The following PPP2R5D variants were observed in gnomAD, a reference collection of about 807,000 sequenced individuals.
PPP2R5D encodes the protein protein phosphatase 2 regulatory subunit B'delta, also known as serine/threonine-protein phosphatase 2A 56 kDa regulatory subunit delta isoform.
Under a neutral mutation model 79.1 loss-of-function variants are expected in PPP2R5D, and 12 were observed. The ratio of observed to expected loss-of-function variants is 0.15; its 90% CI spans 0.10 to 0.25. PPP2R5D has a LOEUF of 0.25. Ranked by LOEUF, PPP2R5D falls within the 10% of genes least tolerant of loss-of-function variation. PPP2R5D has a pLI of 1.00. For synonymous variants in PPP2R5D, 277 were observed against 286.6 expected (o/e 0.97, Z 0.34); for missense variants, 419 against 760.2 (o/e 0.55, Z 5.28).
rs70990164 is a variant in PPP2R5D at position 42,990,699 on chromosome 6, C to CTTTTT, written c.105+1034_105+1038dup. Reference sequence around the variant, plus strand: ...TCCTCTGCACTTATGCAGTATTCTACTTTTTTTTTTTTTTTTTTTTTTTTT... The same window carrying CTTTTT: ...TCCTCTGCACTTATGCAGTATTCTACTTTTTTTTTTTTTTTTTTTTTTTTTTTTTT... On this transcript the variant is annotated intron_variant, in intron 2 of 15. Coordinates refer to ENST00000485511, the MANE Select transcript of PPP2R5D (RefSeq NM_006245.4). Among the ~76,000 whole-genome samples the CTTTTT allele has an allele frequency of 4.5e-4, 23 of 51,596 alleles. 6 individuals carry two copies. Among genetic ancestry groups the CTTTTT allele is most frequent in the African/African-American group, 1.8e-3 (23 of 12,504 alleles). 33.8% of individuals were successfully genotyped at this position (51,596 alleles called of 152,430 possible). A position where few individuals can be genotyped will look rare whatever the true frequency, so the allele number is the denominator to read the frequency against.
chr6:42,998,470 C>T (rs574977458), intron 2 of PPP2R5D, among the ~76,000 whole-genome samples: 5 of 151,988 alleles, frequency 3.3e-5, no homozygotes, highest in Non-Finnish European at 7.4e-5. Flanking sequence ...GTATGAGTGT[C>T]GTGTGGAAAT....
In PPP2R5D at chr6:43,006,835, G is replaced by A. The variant is rs1762111815; in HGVS notation, c.323-76G>A. ...CAGGATGGTGGCAGGGTGGGGTAAG[G>A]GAAAGCCCTTGAAGGCAAGCAGGGC... On this transcript the variant is annotated intron_variant, in intron 3 of 15. Coordinates refer to ENST00000485511, the MANE Select transcript of PPP2R5D (RefSeq NM_006245.4). The surrounding 1 kb of genome is among the most constrained non-coding windows in gnomAD (Gnocchi z 4.7). 1 of 1,591,446 alleles carries A rather than the reference G, an allele frequency of 6.3e-7. No homozygotes were observed. The highest frequency in any genetic ancestry group is 1.7e-5 in the Admixed American group (1 of 59,716).
chr6:43,008,586 C>T lies in PPP2R5D; in HGVS notation c.1027-107C>T. The T allele has an allele frequency of 6.8e-7, 1 of 1,474,510 alleles. No individual in the cohort carries two copies. The highest frequency in any genetic ancestry group is 1.1e-5 in the South Asian group (1 of 87,118). The allele number at this position is 1,474,510 out of a possible 1,614,324, so 91.3% of individuals were successfully genotyped here. ...GCATAGGGAGCAGGTGGGATAATTC[C>T]TTCCCTCCATCTCCCCTTCCCTTCT... On this transcript the variant is annotated intron_variant, in intron 9 of 15. Coordinates refer to ENST00000485511, the MANE Select transcript of PPP2R5D (RefSeq NM_006245.4). This position sits in a 1 kb window ranked among gnomAD's most constrained non-coding sequence, Gnocchi z 4.2.
Position 43,010,904 on chromosome 6 carries a change from A to T in PPP2R5D, c.1578A>T (p.Pro526=). ...AGTATCCCATGTTCCGAGCCCCTCC[A>T]CCACTGCCCCCTGTGTACTCGATGG... ...NPQYPMFRAP[P]PLPPVYSMET... Residue 526 remains proline, a synonymous_variant, in exon 15 of 16, where the codon CCA becomes CCT. Transcript: ENST00000485511. The surrounding 1 kb of genome is among the most constrained non-coding windows in gnomAD (Gnocchi z 4.7). 6.2e-7 allele frequency: 1 copy of T among 1,613,926 alleles called. No homozygotes were observed.
rs754288331 is a variant in PPP2R5D, at chr6:43,009,475, G to A, written c.1379+26G>A. On this transcript the variant is annotated intron_variant, in intron 12 of 15. Coordinates refer to ENST00000485511, the MANE Select transcript of PPP2R5D (RefSeq NM_006245.4). This position sits in a 1 kb window ranked among gnomAD's most constrained non-coding sequence, Gnocchi z 5.6. Reference sequence around the variant, plus strand: ...GTAAGGCGCTGGGGTGGGGCTGGGTGGTGGGGATCCAGTTTGGGAAACTTT... The same window carrying A: ...GTAAGGCGCTGGGGTGGGGCTGGGTAGTGGGGATCCAGTTTGGGAAACTTT... 3 of 1,613,722 alleles carry A rather than the reference G, an allele frequency of 1.9e-6. No individual in the cohort carries two copies. Among genetic ancestry groups the A allele is most frequent in the African/African-American group, 2.7e-5 (2 of 75,028 alleles).
In PPP2R5D at chr6:43,009,249, TCCTAG is replaced by T; in HGVS notation, c.1251+25_1251+29del. The T allele has an allele frequency of 1.9e-6, 3 of 1,613,950 alleles. No homozygotes were observed. The highest frequency in any genetic ancestry group is 2.5e-6 in the Non-Finnish European group (3 of 1,179,950). The stretch of plus-strand genomic sequence containing the variant: ...CCAGGTGAGACTCCAACCTAGCATA[TCCTAG>T]CCCCTGCCAGAAACTGAGGTCTTGA... On this transcript the variant is annotated intron_variant, in intron 11 of 15. Coordinates refer to ENST00000485511, the MANE Select transcript of PPP2R5D (RefSeq NM_006245.4). The surrounding 1 kb of genome is among the most constrained non-coding windows in gnomAD (Gnocchi z 5.6).
intron 2 of PPP2R5D, among the ~76,000 whole-genome samples, chr6:43,001,531 A>G (rs1772204934): frequency 6.6e-6 from 1 of 152,096 alleles, no homozygotes; most frequent in Non-Finnish European, 1.5e-5. Flanking sequence ...CATTCCTAAA[A>G]CCTGGATATG....
chr6:42,998,052 T>C (rs1219551612), intron 2 of PPP2R5D, among the ~76,000 whole-genome samples: 278 of 24,778 alleles, frequency 0.011, 10 homozygotes, highest in African/African-American at 0.037. Flanking sequence ...TATATATATA[T>C]ATATATTTTT....
At chr6:42,997,031 G>T (rs928848920) in intron 2 of PPP2R5D, among the ~76,000 whole-genome samples, 10 of 151,964 alleles carry the variant, frequency 6.6e-5, no homozygotes, top group Admixed American at 6.6e-4. Flanking sequence ...TTTTGAGACA[G>T]ACTCTTCCTT....
chr6:43,003,000 C>T (rs2150272239), intron 2 of PPP2R5D, among the ~76,000 whole-genome samples: 1 of 152,316 alleles, frequency 6.6e-6, no homozygotes, highest in Non-Finnish European at 1.5e-5. Context: ...CCTCTCCCAA[C>T]AGGGGGCTGC....
At chr6:42,991,595 G>A (rs1434711863) in intron 2 of PPP2R5D, among the ~76,000 whole-genome samples, 1 of 152,162 alleles carries the variant, frequency 6.6e-6, no homozygotes, top group Non-Finnish European at 1.5e-5. Context: ...AGAGCTCCAT[G>A]AGGCTCTCAT....
intron 1 of PPP2R5D, among the ~76,000 whole-genome samples, chr6:42,987,483 A>G (rs1342790619): frequency 6.6e-6 from 1 of 152,140 alleles, no homozygotes; most frequent in African/African-American, 2.4e-5. Flanking sequence ...TGCTGAGGGA[A>G]GAGGGTATTA....
intron 2 of PPP2R5D, among the ~76,000 whole-genome samples, chr6:42,991,522 A>T (rs779534040): frequency 5.9e-5 from 9 of 152,112 alleles, no homozygotes; most frequent in Non-Finnish European, 1.0e-4. Context: ...ACCTAACCAC[A>T]ACTGTCATGA....
chr6:43,004,009 C>A (rs1361192678), intron 2 of PPP2R5D, among the ~76,000 whole-genome samples: 1 of 151,126 alleles, frequency 6.6e-6, no homozygotes, highest in Non-Finnish European at 1.5e-5. Context: ...TGAGCCACCG[C>A]GCCCGGCCTG....
chr6:43,000,236 CTT>C lies in PPP2R5D; in HGVS notation c.106-6209_106-6208del, dbSNP rs1204045076. 4.1e-4 allele frequency among the ~76,000 whole-genome samples: 43 copies of C among 105,992 alleles called. 1 individual carries two copies. Among genetic ancestry groups the C allele is most frequent in the African/African-American group, 1.1e-3 (23 of 20,290 alleles). 69.5% of individuals were successfully genotyped at this position (105,992 alleles called of 152,430 possible). ...GGCGTGAGCCACCACGTCTGGCCAC[CTT>C]TTTTTTTTTTTTTTTTTGAGATAGA... is the stretch of plus-strand genomic sequence containing the variant. On this transcript the variant is annotated intron_variant, in intron 2 of 15. Transcript: ENST00000485511.
chr6:42,999,230 A>C (rs1772005732), intron 2 of PPP2R5D, among the ~76,000 whole-genome samples: 1 of 152,116 alleles, frequency 6.6e-6, no homozygotes, highest in Non-Finnish European at 1.5e-5. Context: ...CTTTTAAGAG[A>C]AATGGTTGAA....
In PPP2R5D at chr6:43,009,295, CCCA is replaced by C. The variant is rs761290863; in HGVS notation, c.1252-24_1252-22del. 4 of 1,613,992 alleles carry C rather than the reference CCCA, an allele frequency of 2.5e-6. No homozygotes were observed. The South Asian group carries it at 4.4e-5, about 18-fold the overall frequency. Reference sequence around the variant, plus strand: ...GAGGTCTTGAGTGAAATGAGCAGCACCCACCGAGTCTGCCTCTCCCCACCAGGT... The same window carrying C: ...GAGGTCTTGAGTGAAATGAGCAGCACCCGAGTCTGCCTCTCCCCACCAGGT... On this transcript the variant is annotated intron_variant, in intron 11 of 15. Coordinates refer to ENST00000485511, the MANE Select transcript of PPP2R5D (RefSeq NM_006245.4). This position sits in a 1 kb window ranked among gnomAD's most constrained non-coding sequence, Gnocchi z 5.6.
chr6:42,994,858 G>A (rs1280880671), intron 2 of PPP2R5D, among the ~76,000 whole-genome samples: 2 of 151,150 alleles, frequency 1.3e-5, no homozygotes, highest in Admixed American at 6.6e-5. Context: ...ACTCCTCTAC[G>A]TGCTGAGCCC....
At chr6:42,993,285 G>T (rs1309003442) in intron 2 of PPP2R5D, among the ~76,000 whole-genome samples, 6 of 145,300 alleles carry the variant, frequency 4.1e-5, no homozygotes, top group African/African-American at 1.5e-4. Context: ...CAACAAGAGC[G>T]AAACTCCGTC....
Sources: gnomAD v4.1 joint callset for allele counts (sites outside exome capture counted in the v4.1 genomes callset) on GRCh38, gnomAD v4.1.1 for gene constraint, Gnocchi (gnomAD v3.1) non-coding constraint, MANE v1.5 for transcripts, NCBI Gene and HGNC (gene_info 2026-07-23, HGNC 2026-07-21) for gene names.